ANKS1B: variants seen among roughly 807,000 people sequenced by gnomAD.
The protein encoded by ANKS1B is ankyrin repeat and sterile alpha motif domain containing 1B.
In ANKS1B, 36 loss-of-function variants were observed where a neutral mutation model predicts 148.3. That is an observed-to-expected ratio of 0.24 (90% CI 0.19 to 0.32). The LOEUF is 0.32. Among genes scored for constraint, ANKS1B ranks in the 10% least tolerant of loss-of-function variants. The pLI is 1.00. For synonymous variants in ANKS1B, 542 were observed against 560.8 expected, an observed-to-expected ratio of 0.97 and a Z score of 0.47; for missense variants, 1,157 against 1,542.6, an observed-to-expected ratio of 0.75 and a Z score of 4.19.
chr12:99,177,599 ACTTATGTATGT>A (rs1179932811), intron 14 of ANKS1B, among the ~76,000 whole-genome samples: 2 of 152,246 alleles, frequency 1.3e-5, no homozygotes, highest in East Asian at 3.8e-4. Flanking sequence ...GCAAGTTTAC[ACTTATGTATGT>A]CTGCTGCATT....
At position 99,110,867 on chromosome 12, in the gene ANKS1B, T is replaced by C. The variant is rs552648113; in HGVS notation, c.2527-25844A>G. Among the ~76,000 whole-genome samples the C allele has an allele frequency of 2.6e-5, 4 of 152,356 alleles. No homozygotes were observed. The South Asian group carries it at 8.3e-4, about 32-fold the overall frequency. On this transcript the variant is annotated intron_variant, in intron 15 of 26. Coordinates refer to ENST00000683438, the MANE Select transcript of ANKS1B (RefSeq NM_001352186.2). ...CTAAAATTGCCATTGCTTCACTGTA[T>C]TGATTGCCCCATTATGTTTCTTTCT... is the stretch of plus-strand genomic sequence containing the variant.
chr12:99,338,213 C>T (rs939159702), intron 12 of ANKS1B, among the ~76,000 whole-genome samples: 2 of 152,186 alleles, frequency 1.3e-5, no homozygotes, highest in African/African-American at 2.4e-5. Flanking sequence ...TACTATTCTA[C>T]TGCAGCTGAA....
chr12:99,213,788 T>C (rs1351288488), intron 14 of ANKS1B, among the ~76,000 whole-genome samples: 2 of 152,240 alleles, frequency 1.3e-5, no homozygotes, highest in African/African-American at 4.8e-5. Flanking sequence ...ATTTGCCAAA[T>C]AGCAGTCATC....
chr12:99,589,622 TACTA>T (rs1567420991), intron 9 of ANKS1B, among the ~76,000 whole-genome samples: 1 of 152,190 alleles, frequency 6.6e-6, no homozygotes, highest in African/African-American at 2.4e-5. Context: ...TTAAAAAAGA[TACTA>T]ACCTCTGTCC....
rs114375905 is a variant in ANKS1B, at chr12:99,854,595, C to A, written c.135-29206G>T. Among the ~76,000 whole-genome samples, 1,184 of 152,150 alleles carry A rather than the reference C, an allele frequency of 7.8e-3. 13 individuals are homozygous for A. The highest frequency in any genetic ancestry group is 0.027 in the African/African-American group (1,119 of 41,534). ...AAGATCATCACGTAGGTACACAGTC[C>A]TCAGTTTATCTAAAGTCAAGACAAA... On this transcript the variant is annotated intron_variant, in intron 1 of 26. Coordinates refer to ENST00000683438, the MANE Select transcript of ANKS1B (RefSeq NM_001352186.2).
At chr12:99,610,422 T>C (rs1281147927) in intron 9 of ANKS1B, among the ~76,000 whole-genome samples, 2 of 152,066 alleles carry the variant, frequency 1.3e-5, no homozygotes, top group African/African-American at 4.8e-5. Context: ...ACAAAGTAGG[T>C]CACAGAATTT....
intron 17 of ANKS1B, chr12:98,894,984 TGGCGGCAGC>T: frequency 1.3e-6 from 1 of 780,200 alleles, no homozygotes; most frequent in Non-Finnish European, 1.5e-6. Context: ...GCGCCTGCCC[TGGCGGCAGC>T]GGCGGCGGCG....
intron 12 of ANKS1B, among the ~76,000 whole-genome samples, chr12:99,301,476 A>G (rs1480981837): frequency 1.3e-5 from 2 of 152,214 alleles, no homozygotes; most frequent in Non-Finnish European, 2.9e-5. Context: ...ATGTATTATA[A>G]TGCATTTAGT....
intron 14 of ANKS1B, among the ~76,000 whole-genome samples, chr12:99,214,193 G>A (rs2083784189): frequency 1.3e-5 from 2 of 151,996 alleles, no homozygotes; most frequent in South Asian, 2.1e-4. Context: ...TCTAGCTTAT[G>A]TAATAGTTAA....
chr12:98,906,222 A>C (rs1179638768), intron 17 of ANKS1B, among the ~76,000 whole-genome samples: 2 of 152,198 alleles, frequency 1.3e-5, no homozygotes, highest in East Asian at 3.8e-4. Context: ...CTCTATTCCA[A>C]ATCACTGAAT....
At chr12:99,864,373 T>C (rs895122471) in intron 1 of ANKS1B, among the ~76,000 whole-genome samples, 1 of 152,208 alleles carries the variant, frequency 6.6e-6, no homozygotes, top group Non-Finnish European at 1.5e-5. Context: ...TTTCATGATC[T>C]CACCTCAATC....
At chr12:99,383,522 C>T (rs543502889) in intron 12 of ANKS1B, among the ~76,000 whole-genome samples, 1 of 152,290 alleles carries the variant, frequency 6.6e-6, no homozygotes, top group Admixed American at 6.5e-5. Flanking sequence ...TATATCTTTG[C>T]CAAACCTGCC....
At chr12:98,792,284 T>C (rs1045272332) in intron 22 of ANKS1B, among the ~76,000 whole-genome samples, 19 of 152,222 alleles carry the variant, frequency 1.2e-4, no homozygotes, top group African/African-American at 4.6e-4. Flanking sequence ...AAAACAGATA[T>C]TTCTTTTTTG....
At chr12:99,864,408 A>T (rs2090466049) in intron 1 of ANKS1B, among the ~76,000 whole-genome samples, 1 of 152,174 alleles carries the variant, frequency 6.6e-6, no homozygotes, top group African/African-American at 2.4e-5. Flanking sequence ...GATCTCACAC[A>T]ATCTCCTTCA....
chr12:99,201,977 C>T (rs79537632), intron 14 of ANKS1B, among the ~76,000 whole-genome samples: 1,844 of 151,746 alleles, frequency 0.012, 44 homozygotes, highest in South Asian at 0.058. Flanking sequence ...TATATATGTA[C>T]CATGTACCAG....
At chr12:98,763,993 A>G (rs779092572) in intron 25 of ANKS1B, among the ~76,000 whole-genome samples, 22 of 152,212 alleles carry the variant, frequency 1.4e-4, no homozygotes, top group Non-Finnish European at 2.6e-4. Context: ...CTGCAGCCCA[A>G]CACACTGGTC....
intron 9 of ANKS1B, among the ~76,000 whole-genome samples, chr12:99,543,777 C>T (rs1469882909): frequency 6.6e-6 from 1 of 152,050 alleles, no homozygotes; most frequent in Non-Finnish European, 1.5e-5. Context: ...TACACGATTT[C>T]ATTTATATGG....
Position 99,154,671 on chromosome 12 carries a change from C to A in ANKS1B, c.2420-276G>T, listed in dbSNP as rs185848458. The A allele has an allele frequency of 3.4e-3, 4,905 of 1,437,932 alleles. 103 individuals are homozygous for A. Among genetic ancestry groups the A allele is most frequent in the Admixed American group, 0.017 (585 of 35,150 alleles). The allele number at this position is 1,437,932 out of a possible 1,614,324, so 89.1% of individuals were successfully genotyped here. On this transcript the variant is annotated intron_variant, in intron 14 of 26. Transcript: ENST00000683438. ...CTACCGACCAGTACGTCATACAGCCCCCAAAACCAGGCAGCAGAAGAAGGC... is the reference window on the plus strand; with the variant it reads ...CTACCGACCAGTACGTCATACAGCCACCAAAACCAGGCAGCAGAAGAAGGC...
intron 10 of ANKS1B, among the ~76,000 whole-genome samples, chr12:99,482,236 C>A (rs2096422168): frequency 6.6e-6 from 1 of 151,818 alleles, no homozygotes; most frequent in Non-Finnish European, 1.5e-5. Flanking sequence ...CAGTTTCATT[C>A]TTCTACATGT....
Sources: allele counts gnomAD v4.1 joint callset (sites outside exome capture counted in the v4.1 genomes callset), GRCh38; gene constraint gnomAD v4.1.1; transcripts MANE v1.5; gene names NCBI Gene and HGNC (gene_info 2026-07-23, HGNC 2026-07-21).